CDH1: variants seen among roughly 807,000 people sequenced by gnomAD.
CDH1 encodes the protein cadherin 1, also known as cadherin-1.
In CDH1, 35 loss-of-function variants were observed where a neutral mutation model predicts 84.5. That is an observed-to-expected ratio of 0.41 (90% CI 0.32 to 0.55). CDH1 has a LOEUF of 0.55. Ranked by LOEUF, CDH1 falls within the 20% of genes least tolerant of loss-of-function variation. The probability of loss-of-function intolerance (pLI) is 0.19; values close to 1 mark genes in which losing one functional copy is unlikely to be tolerated. For missense variants in CDH1, 994 were observed against 1,126.6 expected (o/e 0.88, Z 1.68); for synonymous variants, 417 against 439.0 (o/e 0.95, Z 0.63).
chr16:68,771,813 A>T (rs747743855), intron 2 of CDH1, among the ~76,000 whole-genome samples: 15 of 152,014 alleles, frequency 9.9e-5, no homozygotes, highest in Admixed American at 3.3e-4. Context: ...GCTGGTCTCA[A>T]ATACCTGGCC....
chr16:68,793,719 C>T (rs1460824051), intron 2 of CDH1, among the ~76,000 whole-genome samples: 10 of 152,262 alleles, frequency 6.6e-5, no homozygotes, highest in Non-Finnish European at 8.8e-5. Context: ...GGTGAAACCT[C>T]GTCTCTAGTG....
chr16:68,775,442 C>G (rs972756533), intron 2 of CDH1, among the ~76,000 whole-genome samples: 2 of 152,186 alleles, frequency 1.3e-5, no homozygotes, highest in East Asian at 3.8e-4. Context: ...CATCACCTCC[C>G]GAGATCCTTG....
chr16:68,742,186 A>G (rs927407034), intron 2 of CDH1, among the ~76,000 whole-genome samples: 2 of 152,206 alleles, frequency 1.3e-5, no homozygotes, highest in African/African-American at 4.8e-5. Context: ...CCTTGGAAAC[A>G]CAGGGCCTAT....
At chr16:68,774,674 C>T (rs960125322) in intron 2 of CDH1, among the ~76,000 whole-genome samples, 1 of 152,126 alleles carries the variant, frequency 6.6e-6, no homozygotes, top group Non-Finnish European at 1.5e-5. Context: ...GCAATGAAAG[C>T]GGATGCCTGG....
intron 2 of CDH1, among the ~76,000 whole-genome samples, chr16:68,755,982 T>C (rs1311430863): frequency 6.6e-6 from 1 of 152,008 alleles, no homozygotes; most frequent in Non-Finnish European, 1.5e-5. Flanking sequence ...CAGGCTGGTC[T>C]CCAACTCCTG....
intron 6 of CDH1, among the ~76,000 whole-genome samples, chr16:68,810,903 G>A (rs1960803643): frequency 6.6e-6 from 1 of 151,724 alleles, no homozygotes; most frequent in South Asian, 2.1e-4. Context: ...ACAGGGTCTT[G>A]CTTTGTTGTC....
chr16:68,752,845 C>G (rs9932686), intron 2 of CDH1, among the ~76,000 whole-genome samples: 3 of 152,118 alleles, frequency 2.0e-5, no homozygotes, highest in Non-Finnish European at 4.4e-5. Context: ...TATCTGAGCC[C>G]GCCAGAGCCA....
intron 2 of CDH1, among the ~76,000 whole-genome samples, chr16:68,780,952 C>A (rs538802197): frequency 1.3e-5 from 2 of 152,190 alleles, no homozygotes; most frequent in African/African-American, 4.8e-5. Context: ...AAGCTCAATG[C>A]GGCTACTGTG....
At chr16:68,775,806 A>C (rs1959716989) in intron 2 of CDH1, among the ~76,000 whole-genome samples, 1 of 152,202 alleles carries the variant, frequency 6.6e-6, no homozygotes, top group Non-Finnish European at 1.5e-5. Context: ...CATCAAGGTC[A>C]AGAAAGTGTA....
At chr16:68,797,499 G>T (rs531919694) in intron 2 of CDH1, among the ~76,000 whole-genome samples, 12 of 152,004 alleles carry the variant, frequency 7.9e-5, no homozygotes, top group South Asian at 2.1e-4. Context: ...CCTGGGCAAC[G>T]TAGTCAGACC....
At chr16:68,738,930 T>A (rs1332444557) in intron 2 of CDH1, among the ~76,000 whole-genome samples, 3 of 129,484 alleles carry the variant, frequency 2.3e-5, no homozygotes, top group Non-Finnish European at 3.2e-5. Flanking sequence ...TTTACAGATA[T>A]AAAAGCTTTT....
chr16:68,746,754 C>T (rs1962755699), intron 2 of CDH1, among the ~76,000 whole-genome samples: 1 of 152,016 alleles, frequency 6.6e-6, no homozygotes, highest in Non-Finnish European at 1.5e-5. Flanking sequence ...TTAAAACCAT[C>T]CTGGCCAATA....
At chr16:68,828,326 A>G in intron 14 of CDH1, 22 bp downstream of exon 14, 1 of 1,613,314 alleles carries the variant, frequency 6.2e-7, no homozygotes, top group Non-Finnish European at 8.5e-7. Context: ...AAACCTTGGT[A>G]GCTCAGTGGT....
At chr16:68,815,282 T>C (rs1960950812) in intron 9 of CDH1, among the ~76,000 whole-genome samples, 1 of 152,028 alleles carries the variant, frequency 6.6e-6, no homozygotes, top group Admixed American at 6.6e-5. Context: ...CTTGTTGAAG[T>C]GACTGGATCC....
At chr16:68,746,652 AG>A (rs773045699) in intron 2 of CDH1, among the ~76,000 whole-genome samples, 85 of 151,936 alleles carry the variant, frequency 5.6e-4, no homozygotes, top group Non-Finnish European at 1.1e-3. Context: ...GGATGCAAGG[AG>A]GGGTGGATGG....
chr16:68,751,318 A>G (rs1311697798), intron 2 of CDH1, among the ~76,000 whole-genome samples: 1 of 151,650 alleles, frequency 6.6e-6, no homozygotes, highest in Non-Finnish European at 1.5e-5. Context: ...TTGCCCAACA[A>G]CTTTGTTTCC....
At chr16:68,766,087 T>C (rs1431944387) in intron 2 of CDH1, among the ~76,000 whole-genome samples, 1 of 151,976 alleles carries the variant, frequency 6.6e-6, no homozygotes, top group East Asian at 1.9e-4. Context: ...GTGAAACCCC[T>C]TCTCTACTAA....
At chr16:68,815,798 G>C in intron 10 of CDH1, 39 bp downstream of exon 10, 11 of 1,609,820 alleles carry the variant, frequency 6.8e-6, no homozygotes, top group Non-Finnish European at 9.4e-6. Context: ...GCAGCAACTG[G>C]TTATTTTATA....
chr16:68,789,833 G>A (rs990622631), intron 2 of CDH1, among the ~76,000 whole-genome samples: 1 of 152,180 alleles, frequency 6.6e-6, no homozygotes, highest in African/African-American at 2.4e-5. Context: ...GCTGAGGCGG[G>A]CGGATCACAT....
Sources: allele counts gnomAD v4.1 joint callset (sites outside exome capture counted in the v4.1 genomes callset), GRCh38; gene constraint gnomAD v4.1.1; transcripts MANE v1.5; gene names NCBI Gene and HGNC (gene_info 2026-07-23, HGNC 2026-07-21).